Variants in DOK6 observed in about 807,000 individuals in gnomAD.
DOK6 encodes the protein downstream of tyrosine kinase 6.
Under a neutral mutation model 44.0 loss-of-function variants are expected in DOK6, and 22 were observed. That is an observed-to-expected ratio of 0.50 (90% confidence interval 0.36 to 0.71). DOK6 has a LOEUF of 0.71. Among genes scored for constraint, DOK6 ranks in the 30% least tolerant of loss-of-function variants. The probability of loss-of-function intolerance (pLI) is 0.00; values close to 1 mark genes in which losing one functional copy is unlikely to be tolerated. For missense variants in DOK6, 340 were observed against 416.4 expected (o/e 0.82, Z 1.60); for synonymous variants, 166 against 145.5 (o/e 1.14, Z -1.01).
chr18:69,418,647 T>C (rs553926577), intron 1 of DOK6, among the ~76,000 whole-genome samples: 17 of 151,992 alleles, frequency 1.1e-4, no homozygotes, highest in African/African-American at 3.4e-4. Context: ...CTTTTCTTTT[T>C]TTTTGGTGGG....
chr18:69,752,939 T>A (rs1445046288), intron 6 of DOK6, among the ~76,000 whole-genome samples: 1 of 152,156 alleles, frequency 6.6e-6, no homozygotes, highest in African/African-American at 2.4e-5. Context: ...CTGCCCAGCC[T>A]TTGCCTTGGA....
At chr18:69,635,218 G>A (rs1239951719) in intron 3 of DOK6, among the ~76,000 whole-genome samples, 1 of 151,974 alleles carries the variant, frequency 6.6e-6, no homozygotes, top group Non-Finnish European at 1.5e-5. Flanking sequence ...GGATGTTAAC[G>A]AGCCATAGTA....
chr18:69,439,445 C>CAT (rs1979076781), intron 1 of DOK6, among the ~76,000 whole-genome samples: 1 of 152,170 alleles, frequency 6.6e-6, no homozygotes, highest in African/African-American at 2.4e-5. Flanking sequence ...ATATGAAAGT[C>CAT]CTGAATGGCA....
intron 3 of DOK6, among the ~76,000 whole-genome samples, chr18:69,600,310 A>G (rs1280370966): frequency 2.0e-5 from 3 of 152,182 alleles, no homozygotes; most frequent in African/African-American, 7.2e-5. Context: ...TAAAACTGAT[A>G]ATATCCCTTT....
chr18:69,770,299 C>T (rs1321590414), intron 7 of DOK6, among the ~76,000 whole-genome samples: 1 of 152,074 alleles, frequency 6.6e-6, no homozygotes, highest in African/African-American at 2.4e-5. Flanking sequence ...GGATTATCAA[C>T]GCAGGCAGTC....
intron 3 of DOK6, among the ~76,000 whole-genome samples, chr18:69,674,655 C>A (rs1295483570): frequency 6.6e-6 from 1 of 152,058 alleles, no homozygotes; most frequent in Non-Finnish European, 1.5e-5. Flanking sequence ...TACTCACACA[C>A]ACTGATATAC....
chr18:69,644,845 T>A (rs561020079), intron 3 of DOK6, among the ~76,000 whole-genome samples: 57 of 152,356 alleles, frequency 3.7e-4, no homozygotes, highest in African/African-American at 1.2e-3. Flanking sequence ...GGTGGACTTG[T>A]TATCTTCTAA....
chr18:69,812,225 A>G (rs1440376901), intron 7 of DOK6, among the ~76,000 whole-genome samples: 1 of 152,118 alleles, frequency 6.6e-6, no homozygotes, highest in Non-Finnish European at 1.5e-5. Context: ...TTGTTGTTCC[A>G]GAGTTACATA....
intron 1 of DOK6, among the ~76,000 whole-genome samples, chr18:69,464,673 A>G (rs1914813290): frequency 6.6e-6 from 1 of 152,198 alleles, no homozygotes; most frequent in Non-Finnish European, 1.5e-5. Context: ...GATATTTCTT[A>G]TTTTTCAATA....
chr18:69,602,426 A>G (rs1983894282), intron 3 of DOK6, among the ~76,000 whole-genome samples: 1 of 152,224 alleles, frequency 6.6e-6, no homozygotes, highest in African/African-American at 2.4e-5. Context: ...AGGTCATTAC[A>G]AAGAAGGAAA....
chr18:69,743,777 A>G (rs1017240785), intron 6 of DOK6, among the ~76,000 whole-genome samples: 1 of 151,296 alleles, frequency 6.6e-6, no homozygotes, highest in Non-Finnish European at 1.5e-5. Context: ...ATTTAAAAAC[A>G]TTTGTATACA....
chr18:69,738,478 A>G (rs1019492746), intron 5 of DOK6, among the ~76,000 whole-genome samples: 10 of 152,094 alleles, frequency 6.6e-5, no homozygotes, highest in Non-Finnish European at 1.3e-4. Context: ...AATTAAAAAA[A>G]ATGTTTTTAA....
chr18:69,590,538 G>A (rs182616524), intron 2 of DOK6, among the ~76,000 whole-genome samples: 2 of 152,082 alleles, frequency 1.3e-5, no homozygotes, highest in African/African-American at 2.4e-5. Flanking sequence ...CTTAGCTTGT[G>A]TTGAGAGTTG....
chr18:69,806,113 CT>C (rs1448585361), intron 7 of DOK6, among the ~76,000 whole-genome samples: 1 of 151,852 alleles, frequency 6.6e-6, no homozygotes, highest in East Asian at 1.9e-4. Context: ...AAATCCCTTT[CT>C]TTTCTGGGAT....
intron 3 of DOK6, among the ~76,000 whole-genome samples, chr18:69,667,163 G>T (rs941684980): frequency 6.6e-6 from 1 of 152,090 alleles, no homozygotes; most frequent in Non-Finnish European, 1.5e-5. Flanking sequence ...TGGGCTTTAT[G>T]ATGGTCTTTC....
At chr18:69,592,543 A>G (rs1036879424) in intron 2 of DOK6, among the ~76,000 whole-genome samples, 1 of 152,140 alleles carries the variant, frequency 6.6e-6, no homozygotes, top group Non-Finnish European at 1.5e-5. Context: ...AGGTAAATTT[A>G]TACTTAGGCA....
chr18:69,481,977 T>C (rs1980437074), intron 1 of DOK6, among the ~76,000 whole-genome samples: 3 of 152,250 alleles, frequency 2.0e-5, no homozygotes, highest in Admixed American at 2.0e-4. Flanking sequence ...TGGCCAGTGA[T>C]GATGAGCATC....
chr18:69,825,360 C>T (rs1040729873), intron 7 of DOK6, among the ~76,000 whole-genome samples: 1 of 151,640 alleles, frequency 6.6e-6, no homozygotes, highest in Non-Finnish European at 1.5e-5. Flanking sequence ...GAACATTAGC[C>T]AACCCATTGT....
At chr18:69,764,498 G>A (rs1979658275) in intron 7 of DOK6, among the ~76,000 whole-genome samples, 1 of 152,126 alleles carries the variant, frequency 6.6e-6, no homozygotes, top group African/African-American at 2.4e-5. Context: ...CATGAGATCT[G>A]ATGGTTTCAT....
Sources: gnomAD v4.1 joint callset for allele counts (sites outside exome capture counted in the v4.1 genomes callset) on GRCh38, gnomAD v4.1.1 for gene constraint, MANE v1.5 for transcripts, NCBI Gene and HGNC (gene_info 2026-07-23, HGNC 2026-07-21) for gene names.